Variants in SCUBE2 observed in about 807,000 individuals in gnomAD.
SCUBE2 encodes the protein signal peptide, CUB domain and EGF like domain containing 2, also known as signal peptide, CUB and EGF-like domain-containing protein 2.
SCUBE2 carries 114 observed loss-of-function variants against 125.9 expected under a neutral mutation model. The ratio of observed to expected loss-of-function variants is 0.91; its 90% confidence interval spans 0.78 to 1.06. The LOEUF (loss-of-function observed/expected upper bound fraction) is 1.06, where lower values mean the gene tolerates loss of function less well. Among genes scored for constraint, SCUBE2 ranks in the 50% least tolerant of loss-of-function variants. SCUBE2 has a pLI of 0.00. For synonymous variants in SCUBE2, 459 were observed against 492.9 expected (o/e 0.93, Z 0.91); for missense variants, 1,255 against 1,301.8 (o/e 0.96, Z 0.55).
At chr11:9,053,954 G>T (rs1201575258) in intron 10 of SCUBE2, among the ~76,000 whole-genome samples, 195 bp from the exon 11 acceptor site, 1 of 150,188 alleles carries the variant, frequency 6.7e-6, no homozygotes, top group East Asian at 2.0e-4. Context: ...CAAATTTCCT[G>T]GCAGGAGGCT....
In SCUBE2 at chr11:9,052,360, C is replaced by T. The variant is rs149984047; in HGVS notation, c.1534+386G>A. On this transcript the variant is annotated intron_variant, in intron 13 of 22. Coordinates refer to ENST00000649792, the MANE Select transcript of SCUBE2 (RefSeq NM_001367977.2). ...TGACAAACAGGAAAGGGTTTGGGCC[C>T]CTTTCTCGGCACAGAATCCCTGCTG... 9.2e-3 allele frequency among the ~76,000 whole-genome samples: 1,398 copies of T among 152,340 alleles called. 10 individuals carry two copies. Among genetic ancestry groups the T allele is most frequent in the Non-Finnish European group, 0.013 (911 of 68,024 alleles).
chr11:9,052,653 AAAAC>A, intron 13 of SCUBE2, 89 bp downstream of exon 13: 2 of 971,926 alleles, frequency 2.1e-6, no homozygotes, highest in South Asian at 3.3e-5. Flanking sequence ...TAACAGAAAA[AAAAC>A]AAAGCCAATG....
intron 7 of SCUBE2, among the ~76,000 whole-genome samples, chr11:9,060,905 C>A (rs764922722): frequency 6.6e-6 from 1 of 152,192 alleles, no homozygotes; most frequent in Non-Finnish European, 1.5e-5. Flanking sequence ...TAATCTTGAA[C>A]CTTCTCCTTT....
At position 9,079,468 on chromosome 11, in the gene SCUBE2, G is replaced by T; in HGVS notation, c.298C>A (p.His100Asn). 6.2e-7 allele frequency: 1 copy of T among 1,614,054 alleles called. No homozygotes were observed. Among genetic ancestry groups the T allele is most frequent in the South Asian group, 1.1e-5 (1 of 91,066 alleles). ...TTGCCTGGAATATTCAAACAGTCAT[G>T]GACACAGCCTCCATTGAGCTCATTT... ...CGNELNGGCVHDCLNIPGNYR... is the reference protein window; with the variant it reads ...CGNELNGGCVNDCLNIPGNYR... Residue 100 changes from histidine (H) to asparagine (N), a missense_variant, in exon 3 of 23, where the codon CAT (histidine) becomes AAT (asparagine). Physicochemically the swap from His to Asn is moderately conservative, Grantham distance 68. Around this residue, in one of 3 missense-constraint regions of SCUBE2, gnomAD observed 362 missense variants for 323.0 expected, o/e 1.12. Transcript: ENST00000649792.
intron 16 of SCUBE2, among the ~76,000 whole-genome samples, chr11:9,043,303 T>A (rs1199945157): frequency 6.6e-6 from 1 of 152,162 alleles, no homozygotes; most frequent in Admixed American, 6.5e-5. Flanking sequence ...CACACACATA[T>A]ATATTATCCA....
intron 5 of SCUBE2, among the ~76,000 whole-genome samples, chr11:9,067,917 G>T (rs1057168857): frequency 7.6e-6 from 1 of 132,134 alleles, no homozygotes; most frequent in Non-Finnish European, 1.5e-5. Context: ...TGAGGGTCTC[G>T]CCCCGCAGGT....
rs1306950397 is a variant in SCUBE2 at position 9,050,443 on chromosome 11, C to T, written c.1639+163G>A. 6.4e-6 allele frequency: 4 copies of T among 624,786 alleles called. No homozygotes were observed. The East Asian group carries it at 8.1e-5, about 13-fold the overall frequency. 38.7% of individuals were successfully genotyped at this position (624,786 alleles called of 1,614,324 possible). A position where few individuals can be genotyped will look rare whatever the true frequency, so the allele number is the denominator to read the frequency against. ...AGCATGCTAGGTTATGCTCTTCTTC[C>T]TCTTGGGATGAGTCCCTGGAAGTTG... On this transcript the variant is annotated intron_variant, in intron 14 of 22. Coordinates refer to ENST00000649792, the MANE Select transcript of SCUBE2 (RefSeq NM_001367977.2).
At chr11:9,090,582 A>G (rs1862600933) in intron 1 of SCUBE2, among the ~76,000 whole-genome samples, 1 of 151,528 alleles carries the variant, frequency 6.6e-6, no homozygotes, top group Admixed American at 6.6e-5. Flanking sequence ...GGTAAGCCAA[A>G]AGATTGCACC....
intron 16 of SCUBE2, 21 bp from the exon 17 acceptor site, chr11:9,033,817 C>G: frequency 1.2e-6 from 2 of 1,613,496 alleles, no homozygotes; most frequent in Non-Finnish European, 1.7e-6. Context: ...GGGAAACAAC[C>G]TGGTCAGTGT....
intron 7 of SCUBE2, 145 bp downstream of exon 7, chr11:9,065,746 G>C (rs530299181): frequency 6.0e-6 from 4 of 663,344 alleles, no homozygotes; most frequent in Non-Finnish European, 8.2e-6. Flanking sequence ...GTGAAGAACA[G>C]ACACACACCC....
intron 5 of SCUBE2, 143 bp downstream of exon 5, chr11:9,069,227 T>G (rs11606589): frequency 0.032 from 31,181 of 968,416 alleles, 659 homozygotes; most frequent in South Asian, 0.055. Context: ...GAACAAGTAC[T>G]TGGTAGAGGT....
chr11:9,042,593 T>G (rs1192262378), intron 16 of SCUBE2, among the ~76,000 whole-genome samples: 1 of 152,200 alleles, frequency 6.6e-6, no homozygotes, highest in Non-Finnish European at 1.5e-5. Context: ...AAGAGCCTAT[T>G]TTTTTCCTGC....
intron 4 of SCUBE2, among the ~76,000 whole-genome samples, chr11:9,073,147 G>T (rs143167998): frequency 1.3e-5 from 2 of 152,144 alleles, no homozygotes; most frequent in Non-Finnish European, 2.9e-5. Context: ...CCTGAGATTC[G>T]GATCACTCTG....
chr11:9,059,168 G>A lies in SCUBE2; in HGVS notation c.1090+135C>T, dbSNP rs189211327. Reference sequence around the variant, plus strand: ...ATTTTACCTAATAGATGAAATGAGTGAAGCCTAGGAAGGAGATTGGATTAG... The same window carrying A: ...ATTTTACCTAATAGATGAAATGAGTAAAGCCTAGGAAGGAGATTGGATTAG... On this transcript the variant is annotated intron_variant, in intron 9 of 22. Coordinates refer to ENST00000649792, the MANE Select transcript of SCUBE2 (RefSeq NM_001367977.2). 7.1e-4 allele frequency: 716 copies of A among 1,003,182 alleles called. 4 individuals carry two copies. In the African/African-American group the frequency reaches 0.01, roughly 15 times the overall value. 62.1% of individuals were successfully genotyped at this position (1,003,182 alleles called of 1,614,324 possible).
intron 9 of SCUBE2, 126 bp from the exon 10 acceptor site, chr11:9,056,035 C>A: frequency 1.3e-6 from 1 of 743,952 alleles, no homozygotes. Context: ...AAAACATTAT[C>A]TATCCATTTT....
intron 4 of SCUBE2, among the ~76,000 whole-genome samples, chr11:9,073,638 G>A (rs1289726961): frequency 6.6e-6 from 1 of 152,114 alleles, no homozygotes; most frequent in Non-Finnish European, 1.5e-5. Flanking sequence ...TGGCCAAAGG[G>A]GTTAATAGGC....
chr11:9,053,063 T>C (rs1311238106), intron 12 of SCUBE2, 36 bp downstream of exon 12: 1 of 1,564,294 alleles, frequency 6.4e-7, no homozygotes, highest in Admixed American at 1.7e-5. Context: ...CTGGCCCCAG[T>C]GTGAGGACCT....
intron 16 of SCUBE2, among the ~76,000 whole-genome samples, chr11:9,046,310 G>A (rs1038891535): frequency 4.6e-5 from 7 of 151,966 alleles, no homozygotes; most frequent in Non-Finnish European, 8.8e-5. Flanking sequence ...GCCTGGCCCC[G>A]AGTGTCTTTC....
At chr11:9,081,017 T>A (rs1358845879) in intron 2 of SCUBE2, among the ~76,000 whole-genome samples, 1 of 152,190 alleles carries the variant, frequency 6.6e-6, no homozygotes, top group Non-Finnish European at 1.5e-5. Context: ...TTATTAGGGA[T>A]ATGCAAATTA....
Sources: allele counts gnomAD v4.1 joint callset (sites outside exome capture counted in the v4.1 genomes callset), GRCh38; gene constraint gnomAD v4.1.1; regional missense constraint gnomAD v4.1.1; transcripts MANE v1.5; gene names NCBI Gene and HGNC (gene_info 2026-07-23, HGNC 2026-07-21).